Variants in OPCML observed in about 807,000 individuals in gnomAD.
The protein encoded by OPCML is opioid-binding protein/cell adhesion molecule.
In OPCML, 13 loss-of-function variants were observed where a neutral mutation model predicts 37.8. The ratio of observed to expected loss-of-function variants is 0.34; its 90% CI spans 0.22 to 0.55. The LOEUF (loss-of-function observed/expected upper bound fraction) is 0.55, where lower values mean the gene tolerates loss of function less well. Among genes scored for constraint, OPCML ranks in the 20% least tolerant of loss-of-function variants. OPCML has a pLI of 0.91. For synonymous variants in OPCML, 176 were observed against 168.8 expected, an observed-to-expected ratio of 1.04 and a Z score of -0.33; for missense variants, 341 against 435.6, an observed-to-expected ratio of 0.78 and a Z score of 1.93.
intron 1 of OPCML, among the ~76,000 whole-genome samples, chr11:132,946,320 G>A (rs1216413688): frequency 6.6e-6 from 1 of 152,190 alleles, no homozygotes; most frequent in African/African-American, 2.4e-5. Context: ...TTTAAAATAA[G>A]TAGCAGGAGC....
At chr11:133,214,703 C>T (rs1939512294) in intron 1 of OPCML, among the ~76,000 whole-genome samples, 1 of 152,178 alleles carries the variant, frequency 6.6e-6, no homozygotes, top group Admixed American at 6.5e-5. Context: ...ATCCTCCTCT[C>T]ATCATCAGTT....
intron 3 of OPCML, among the ~76,000 whole-genome samples, chr11:132,560,510 C>T (rs867935261): frequency 5.3e-5 from 8 of 152,178 alleles, no homozygotes; most frequent in Non-Finnish European, 1.2e-4. Context: ...CACCTGGACA[C>T]CACCCTTTCC....
At chr11:133,373,424 A>AATATATCTAT (rs1944721165) in intron 1 of OPCML, among the ~76,000 whole-genome samples, 1 of 117,756 alleles carries the variant, frequency 8.5e-6, no homozygotes, top group Admixed American at 9.9e-5. Context: ...ACTTAATTAA[A>AATATATCTAT]ATATATATAT....
intron 3 of OPCML, among the ~76,000 whole-genome samples, chr11:132,634,504 C>G (rs1210949432): frequency 6.6e-6 from 1 of 152,128 alleles, no homozygotes; most frequent in Non-Finnish European, 1.5e-5. Flanking sequence ...CTGCCTGAGC[C>G]CATGCCTCAG....
At chr11:132,934,882 G>A (rs889777327) in intron 2 of OPCML, among the ~76,000 whole-genome samples, 1 of 152,164 alleles carries the variant, frequency 6.6e-6, no homozygotes, top group African/African-American at 2.4e-5. Context: ...GCTCACACCT[G>A]TAATCCTAGC....
rs114221211 is a variant in OPCML, at chr11:132,653,331, G to A, written c.379+3756C>T. 2.7e-3 allele frequency among the ~76,000 whole-genome samples: 414 copies of A among 152,276 alleles called. 3 individuals are homozygous for A. The highest frequency in any genetic ancestry group is 9.5e-3 in the African/African-American group (394 of 41,550). On this transcript the variant is annotated intron_variant, in intron 3 of 7. Transcript: ENST00000524381. ...TCTGGATCTTTTCAGGTAGGCCCAC[G>A]GTCACCCTGGCTGCACTGCTTAGCG...
intron 1 of OPCML, among the ~76,000 whole-genome samples, chr11:133,085,952 A>C (rs1420984044): frequency 6.6e-6 from 1 of 152,188 alleles, no homozygotes; most frequent in Non-Finnish European, 1.5e-5. Context: ...TCTAATATCT[A>C]ACTCGGCTCC....
intron 1 of OPCML, among the ~76,000 whole-genome samples, chr11:133,098,771 T>A (rs1949042247): frequency 6.6e-6 from 1 of 152,166 alleles, no homozygotes; most frequent in African/African-American, 2.4e-5. Flanking sequence ...AAGTCAGAGA[T>A]GTTTCCTCTC....
chr11:132,633,592 G>A (rs1290334250), intron 3 of OPCML, among the ~76,000 whole-genome samples: 2 of 152,114 alleles, frequency 1.3e-5, no homozygotes, highest in East Asian at 3.9e-4. Flanking sequence ...CTCTTACGCT[G>A]CATGACACAG....
At chr11:132,466,278 G>A (rs951586591) in intron 4 of OPCML, among the ~76,000 whole-genome samples, 118 of 147,896 alleles carry the variant, frequency 8.0e-4, no homozygotes, top group African/African-American at 2.7e-3. Flanking sequence ...GAGGTCAGGA[G>A]ATCGAGACCA....
intron 4 of OPCML, among the ~76,000 whole-genome samples, chr11:132,451,656 G>A (rs2136849036): frequency 6.6e-6 from 1 of 152,320 alleles, no homozygotes; most frequent in East Asian, 1.9e-4. Context: ...GAGGGGTGCG[G>A]CTCTGTTGCT....
chr11:132,642,319 A>G (rs1230411815), intron 3 of OPCML, among the ~76,000 whole-genome samples: 3 of 152,372 alleles, frequency 2.0e-5, no homozygotes, highest in African/African-American at 7.2e-5. Flanking sequence ...TTTCAGAAGT[A>G]CATCTTGAAC....
At chr11:132,661,916 AG>A (rs1941992109) in intron 2 of OPCML, among the ~76,000 whole-genome samples, 1 of 152,216 alleles carries the variant, frequency 6.6e-6, no homozygotes, top group African/African-American at 2.4e-5. Context: ...AAAAAAGGAA[AG>A]CTATCTGGAA....
At chr11:132,459,562 A>AAGAGAGAGAGAG (rs368324204) in intron 4 of OPCML, among the ~76,000 whole-genome samples, 1 of 147,246 alleles carries the variant, frequency 6.8e-6, no homozygotes, top group Non-Finnish European at 1.5e-5. Context: ...GAGAGAGAGA[A>AAGAGAGAGAGAG]AGAGAGAGAG....
At chr11:133,512,493 G>T (rs778703706) in intron 1 of OPCML, among the ~76,000 whole-genome samples, 11 of 152,262 alleles carry the variant, frequency 7.2e-5, no homozygotes, top group Non-Finnish European at 1.5e-4. Context: ...CTTTTTAATG[G>T]AAGCTTTCTT....
chr11:133,384,247 CAAAAAAAAAAA>C, intron 1 of OPCML, among the ~76,000 whole-genome samples: 1 of 71,250 alleles, frequency 1.4e-5, no homozygotes, highest in South Asian at 6.8e-4. Context: ...GGCCACTGTG[CAAAAAAAAAAA>C]AAAAAAAGAA....
intron 2 of OPCML, among the ~76,000 whole-genome samples, chr11:132,894,558 G>GA (rs1943766099): frequency 6.6e-6 from 1 of 152,176 alleles, no homozygotes; most frequent in African/African-American, 2.4e-5. Context: ...AGTACCTACA[G>GA]AACTGGAAAG....
chr11:133,255,575 G>GA (rs1941285944), intron 1 of OPCML, among the ~76,000 whole-genome samples: 2 of 151,938 alleles, frequency 1.3e-5, no homozygotes, highest in Admixed American at 6.6e-5. Context: ...GCAAAGAAGA[G>GA]GCCACACACA....
At chr11:132,778,744 T>C (rs1427866414) in intron 2 of OPCML, among the ~76,000 whole-genome samples, 1 of 152,078 alleles carries the variant, frequency 6.6e-6, no homozygotes, top group African/African-American at 2.4e-5. Context: ...ATTTCACAAA[T>C]GAGAAAATCA....
Sources: gnomAD v4.1 joint callset for allele counts (sites outside exome capture counted in the v4.1 genomes callset) on GRCh38, gnomAD v4.1.1 for gene constraint, MANE v1.5 for transcripts, NCBI Gene and HGNC (gene_info 2026-07-23, HGNC 2026-07-21) for gene names.